The following ANO4 variants were observed in gnomAD, a reference collection of about 807,000 sequenced individuals.
ANO4 encodes anoctamin-4.
Under a neutral mutation model 141.9 loss-of-function variants are expected in ANO4, and 69 were observed. The observed-to-expected ratio is 0.49, with a 90% CI of 0.40 to 0.59. The LOEUF (loss-of-function observed/expected upper bound fraction) is 0.59, where lower values mean the gene tolerates loss of function less well. Among genes scored for constraint, ANO4 ranks in the 20% least tolerant of loss-of-function variants. The pLI, the probability that ANO4 is intolerant of heterozygous loss-of-function variation, is 0.00. For missense variants in ANO4, 894 were observed against 1,162.2 expected (o/e 0.77, Z 3.36); for synonymous variants, 350 against 394.3 (o/e 0.89, Z 1.33).
chr12:100,739,420 T>A lies in ANO4; in HGVS notation c.107-434T>A, dbSNP rs577682868. On this transcript the variant is annotated intron_variant, in intron 2 of 29. Coordinates refer to the ANO4 transcript ENST00000644049. ...AGAACATAGATTTTGGAGTCAAATC[T>A]GTGCTGAAGTTCTGCCTCTGGAACT... is the stretch of plus-strand genomic sequence containing the variant. Among the ~76,000 whole-genome samples, 13 of 152,282 alleles carry A rather than the reference T, an allele frequency of 8.5e-5. No individual in the cohort carries two copies. In the South Asian group the frequency reaches 2.5e-3, roughly 29 times the overall value.
At chr12:101,000,610 A>G (rs1277233970) in intron 8 of ANO4, among the ~76,000 whole-genome samples, 2 of 152,272 alleles carry the variant, frequency 1.3e-5, no homozygotes, top group East Asian at 3.9e-4. Context: ...CTCAATATTC[A>G]GGTTGTTTGT....
At chr12:100,806,272 C>T (rs1320864632) in intron 1 of ANO4, among the ~76,000 whole-genome samples, 1 of 152,026 alleles carries the variant, frequency 6.6e-6, no homozygotes, top group Non-Finnish European at 1.5e-5. Flanking sequence ...CAGAAGTGCG[C>T]CAGTTTATAC....
chr12:100,967,103 T>C (rs1388602420), intron 5 of ANO4, among the ~76,000 whole-genome samples: 1 of 152,124 alleles, frequency 6.6e-6, no homozygotes, highest in African/African-American at 2.4e-5. Flanking sequence ...GTGAATCTTA[T>C]CTCTTTTTAC....
intron 13 of ANO4, among the ~76,000 whole-genome samples, chr12:101,047,548 T>C (rs892333090): frequency 1.3e-5 from 2 of 152,184 alleles, no homozygotes; most frequent in Non-Finnish European, 2.9e-5. Flanking sequence ...AACAATAAAG[T>C]ATACTTTATA....
intron 1 of ANO4, among the ~76,000 whole-genome samples, chr12:100,856,713 G>C (rs2038191889): frequency 2.6e-5 from 4 of 152,114 alleles, no homozygotes; most frequent in Admixed American, 2.6e-4. Flanking sequence ...GTTTCAGCCT[G>C]AGCAAAGGCA....
intron 1 of ANO4, among the ~76,000 whole-genome samples, chr12:100,820,071 T>G (rs946811859): frequency 2.6e-5 from 4 of 151,928 alleles, no homozygotes; most frequent in Non-Finnish European, 5.9e-5. Flanking sequence ...CCTCCCTCTA[T>G]TTCCCTTTTT....
At chr12:100,721,918 G>C (rs1191010458) in intron 1 of ANO4, among the ~76,000 whole-genome samples, 1 of 150,680 alleles carries the variant, frequency 6.6e-6, no homozygotes. Context: ...GTCTTTCCTA[G>C]GTGATCCTCC....
At chr12:101,037,304 T>C (rs1012253413) in intron 10 of ANO4, among the ~76,000 whole-genome samples, 154 bp downstream of exon 10, 1 of 152,208 alleles carries the variant, frequency 6.6e-6, no homozygotes, top group Non-Finnish European at 1.5e-5. Flanking sequence ...TCAATTGTTA[T>C]ATCTCTTCCT....
At chr12:101,092,243 A>G (rs1388151166) in intron 17 of ANO4, among the ~76,000 whole-genome samples, 1 of 152,150 alleles carries the variant, frequency 6.6e-6, no homozygotes, top group Non-Finnish European at 1.5e-5. Context: ...AAGTAAAAGT[A>G]CACCAGATAA....
chr12:100,848,982 C>T (rs2037726090), intron 1 of ANO4, among the ~76,000 whole-genome samples: 1 of 152,204 alleles, frequency 6.6e-6, no homozygotes, highest in Non-Finnish European at 1.5e-5. Flanking sequence ...TTCTGTCTTT[C>T]CTACTGTATT....
chr12:101,086,120 G>A (rs1045815552), intron 16 of ANO4, among the ~76,000 whole-genome samples: 40 of 143,482 alleles, frequency 2.8e-4, no homozygotes, highest in African/African-American at 1.1e-3. Context: ...GTGTGTGTGT[G>A]TGTGTTCGGC....
chr12:101,032,886 C>T (rs1358115261), intron 9 of ANO4, among the ~76,000 whole-genome samples: 2 of 150,158 alleles, frequency 1.3e-5, no homozygotes, highest in Non-Finnish European at 3.0e-5. Flanking sequence ...TAAACTAGTT[C>T]AACCCTTGTG....
chr12:100,908,969 A>G (rs1354196798), intron 2 of ANO4, among the ~76,000 whole-genome samples: 1 of 152,178 alleles, frequency 6.6e-6, no homozygotes, highest in African/African-American at 2.4e-5. Context: ...CCCTCCTTGG[A>G]GTATTTTGAA....
Position 100,775,224 on chromosome 12 carries a change from C to A in ANO4, c.358+35119C>A, listed in dbSNP as rs1330108706. Among the ~76,000 whole-genome samples the A allele has an allele frequency of 5.9e-5, 9 of 152,254 alleles. No individual in the cohort carries two copies. The South Asian group carries it at 8.3e-4, about 14-fold the overall frequency. On this transcript the variant is annotated intron_variant, in intron 3 of 29. Coordinates refer to the ANO4 transcript ENST00000644049. ...CTAAAATAGCAGTCTTTCAAACATA[C>A]AGAAAATTATTTTTTCATCCCCAAA...
At chr12:101,080,914 CAT>C (rs1160269344) in intron 15 of ANO4, among the ~76,000 whole-genome samples, 6 of 92,096 alleles carry the variant, frequency 6.5e-5, no homozygotes, top group African/African-American at 2.2e-4. Context: ...TACACATATA[CAT>C]ATATATAAAT....
chr12:100,943,535 A>T (rs1448627233), intron 5 of ANO4, among the ~76,000 whole-genome samples: 1 of 152,122 alleles, frequency 6.6e-6, no homozygotes, highest in Admixed American at 6.5e-5. Context: ...TGTTAGGCTG[A>T]CCTCAGCTCT....
intron 6 of ANO4, among the ~76,000 whole-genome samples, chr12:100,972,382 C>A (rs529555956): frequency 6.6e-6 from 1 of 152,170 alleles, no homozygotes; most frequent in African/African-American, 2.4e-5. Flanking sequence ...ATGTATCTCC[C>A]TGGTGCATCT....
At chr12:100,725,201 T>G (rs2031054440) in intron 1 of ANO4, among the ~76,000 whole-genome samples, 1 of 152,206 alleles carries the variant, frequency 6.6e-6, no homozygotes, top group Non-Finnish European at 1.5e-5. Flanking sequence ...AAAGGTTTAA[T>G]GAAAACCTTT....
chr12:101,037,078 C>T lies in ANO4; in HGVS notation c.842-17C>T, dbSNP rs1482444120. On this transcript the variant is annotated splice_polypyrimidine_tract_variant and intron_variant, in intron 9 of 27. Transcript: ENST00000392977. ...CAAACTCTGTATTAATTCAAATGGA[C>T]TTATTTGCTGTTTTAGGTCTGAATC... 9.9e-6 allele frequency: 16 copies of T among 1,612,498 alleles called. No homozygotes were observed. The highest frequency in any genetic ancestry group is 1.4e-5 in the Non-Finnish European group (16 of 1,178,928).
Sources: gnomAD v4.1 joint callset for allele counts (sites outside exome capture counted in the v4.1 genomes callset) on GRCh38, gnomAD v4.1.1 for gene constraint, MANE v1.5 for transcripts, NCBI Gene and HGNC (gene_info 2026-07-23, HGNC 2026-07-21) for gene names.